CHCHD3: variants seen among roughly 807,000 people sequenced by gnomAD.
CHCHD3 encodes the protein coiled-coil-helix-coiled-coil-helix domain containing 3, also known as MICOS complex subunit MIC19.
A neutral mutation model predicts 38.2 loss-of-function variants in CHCHD3; 20 were observed. That is an observed-to-expected ratio of 0.52 (90% CI 0.37 to 0.76). The LOEUF is 0.76. Ranked by LOEUF, CHCHD3 falls within the 30% of genes least tolerant of loss-of-function variation. CHCHD3 has a pLI of 0.00. For synonymous variants in CHCHD3, 82 were observed against 100.0 expected, an observed-to-expected ratio of 0.82 and a Z score of 1.07; for missense variants, 245 against 279.2, an observed-to-expected ratio of 0.88 and a Z score of 0.87.
At chr7:133,048,969 T>C (rs1450340712) in intron 2 of CHCHD3, among the ~76,000 whole-genome samples, 3 of 152,240 alleles carry the variant, frequency 2.0e-5, no homozygotes, top group Non-Finnish European at 4.4e-5. Context: ...GCATCTGATA[T>C]CTTAGCAATA....
chr7:132,885,774 ATCAAGAAAAAGCAGCAACAG>A (rs1809191773), intron 4 of CHCHD3, 29 bp from the exon 5 acceptor site: 1 of 1,510,264 alleles, frequency 6.6e-7, no homozygotes, highest in African/African-American at 1.4e-5. Flanking sequence ...AATATACTAT[ATCAAGAAAAAGCAGCAACAG>A]CAAAGCAAAA....
intron 5 of CHCHD3, among the ~76,000 whole-genome samples, chr7:132,846,979 A>G (rs1808090311): frequency 6.6e-6 from 1 of 152,208 alleles, no homozygotes; most frequent in South Asian, 2.1e-4. Flanking sequence ...CTCGTGTAAT[A>G]AGAAATCTGG....
chr7:132,845,145 T>A (rs1321068381), intron 5 of CHCHD3: 1 of 152,180 alleles, frequency 6.6e-6, no homozygotes, highest in East Asian at 1.9e-4. Context: ...TGAAACTGAG[T>A]AAGTTACTTA....
At chr7:132,853,452 C>G (rs185681434) in intron 5 of CHCHD3, among the ~76,000 whole-genome samples, 121 of 152,158 alleles carry the variant, frequency 8.0e-4, no homozygotes, top group Admixed American at 1.2e-3. Flanking sequence ...GAAACCCCGT[C>G]TCTACTAAAA....
intron 4 of CHCHD3, among the ~76,000 whole-genome samples, chr7:132,898,248 G>C (rs1435397544): frequency 2.0e-5 from 3 of 152,144 alleles, no homozygotes; most frequent in African/African-American, 7.2e-5. Flanking sequence ...CTGCTGGCTG[G>C]GGCAGCCTGC....
At chr7:132,845,895 T>C (rs1808065487) in intron 5 of CHCHD3, among the ~76,000 whole-genome samples, 1 of 152,190 alleles carries the variant, frequency 6.6e-6, no homozygotes, top group Admixed American at 6.5e-5. Flanking sequence ...TTGGCAATAT[T>C]GAAAAATGAT....
intron 6 of CHCHD3, among the ~76,000 whole-genome samples, chr7:132,800,705 GATCCTTTCCCTGTACCTGA>G (rs1426753030): frequency 2.6e-5 from 4 of 152,112 alleles, no homozygotes; most frequent in Non-Finnish European, 1.5e-5. Context: ...GCAAAGAAAG[GATCCTTTCCCTGTACCTGA>G]ACCAGAAGTA....
At chr7:132,810,301 A>G (rs975709216) in intron 6 of CHCHD3, among the ~76,000 whole-genome samples, 3 of 152,250 alleles carry the variant, frequency 2.0e-5, no homozygotes, top group African/African-American at 7.2e-5. Context: ...ATACGGGTGT[A>G]TAAGCACACT....
At chr7:133,058,531 T>C (rs938351639) in intron 2 of CHCHD3, among the ~76,000 whole-genome samples, 1 of 152,244 alleles carries the variant, frequency 6.6e-6, no homozygotes, top group Non-Finnish European at 1.5e-5. Flanking sequence ...AACAAAACAA[T>C]GTTTTTGGGG....
At position 132,827,934 on chromosome 7, in the gene CHCHD3, T is replaced by A. The variant is rs1807548443; in HGVS notation, c.524+10465A>T. Among the ~76,000 whole-genome samples the A allele has an allele frequency of 2.0e-5, 3 of 152,318 alleles. No homozygotes were observed. The South Asian group carries it at 6.2e-4, about 32-fold the overall frequency. On this transcript the variant is annotated intron_variant, in intron 6 of 7. Transcript: ENST00000262570. ...TGCGCTTTTTATCCCTATATTCCAATCAGCTTTGCCATCTCTCCTGCCCCT... is the reference window on the plus strand; with the variant it reads ...TGCGCTTTTTATCCCTATATTCCAAACAGCTTTGCCATCTCTCCTGCCCCT...
chr7:132,915,710 C>A (rs1284185874), intron 4 of CHCHD3, among the ~76,000 whole-genome samples: 1 of 152,132 alleles, frequency 6.6e-6, no homozygotes, highest in African/African-American at 2.4e-5. Context: ...GCTCTGATTT[C>A]TTTTCTTCTC....
chr7:132,907,914 C>A (rs1809836707), intron 4 of CHCHD3, among the ~76,000 whole-genome samples: 1 of 151,816 alleles, frequency 6.6e-6, no homozygotes, highest in Non-Finnish European at 1.5e-5. Context: ...CAGTGAACTG[C>A]AGAACTGAAA....
At chr7:133,021,453 C>T (rs553334121) in intron 3 of CHCHD3, among the ~76,000 whole-genome samples, 2 of 152,264 alleles carry the variant, frequency 1.3e-5, no homozygotes, top group South Asian at 2.1e-4. Context: ...TCTCCCCTTG[C>T]TAATGGTTTT....
At chr7:132,945,542 ATAGG>A (rs1810875072) in intron 4 of CHCHD3, among the ~76,000 whole-genome samples, 1 of 151,906 alleles carries the variant, frequency 6.6e-6, no homozygotes, top group Non-Finnish European at 1.5e-5. Flanking sequence ...TTTACAAGTG[ATAGG>A]TAGGAAGCAT....
At chr7:132,986,424 G>GAAAAAAAAAAAA (rs59151340) in intron 3 of CHCHD3, among the ~76,000 whole-genome samples, 29 of 131,158 alleles carry the variant, frequency 2.2e-4, no homozygotes, top group Non-Finnish European at 3.3e-4. Context: ...AAAGAAAAAA[G>GAAAAAAAAAAAA]AAAAAAAAAA....
chr7:132,954,464 T>C (rs1164347033), intron 4 of CHCHD3, among the ~76,000 whole-genome samples: 1 of 152,122 alleles, frequency 6.6e-6, no homozygotes, highest in Non-Finnish European at 1.5e-5. Flanking sequence ...AGAACCCACG[T>C]CCTTTGTGGA....
intron 4 of CHCHD3, among the ~76,000 whole-genome samples, chr7:132,948,426 C>T (rs113135210): frequency 2.0e-5 from 3 of 151,960 alleles, no homozygotes; most frequent in Middle Eastern, 3.2e-3. Flanking sequence ...AGGGTAGGAT[C>T]GAAACTTCGA....
chr7:132,910,314 G>A (rs1440954957), intron 4 of CHCHD3, among the ~76,000 whole-genome samples: 2 of 152,116 alleles, frequency 1.3e-5, no homozygotes, highest in Admixed American at 1.3e-4. Flanking sequence ...CATAACAAGT[G>A]CCCCCCACAT....
intron 5 of CHCHD3, among the ~76,000 whole-genome samples, chr7:132,839,074 C>G (rs1016055017): frequency 2.6e-5 from 4 of 151,984 alleles, no homozygotes; most frequent in African/African-American, 9.7e-5. Context: ...TGCCTGTAAT[C>G]CCAGCTAATC....
Sources: gnomAD v4.1 joint callset for allele counts (sites outside exome capture counted in the v4.1 genomes callset) on GRCh38, gnomAD v4.1.1 for gene constraint, MANE v1.5 for transcripts, NCBI Gene and HGNC (gene_info 2026-07-23, HGNC 2026-07-21) for gene names.